SCTR: variants seen among roughly 807,000 people sequenced by gnomAD.
SCTR encodes the protein secretin receptor, also known as pancreatic secretin receptor.
A neutral mutation model predicts 60.8 loss-of-function variants in SCTR; 56 were observed. The ratio of observed to expected loss-of-function variants is 0.92; its 90% CI spans 0.74 to 1.15. SCTR has a LOEUF of 1.15. Among genes scored for constraint, SCTR ranks in the 50% most tolerant of loss-of-function variants. The pLI is 0.00. For synonymous variants in SCTR, 202 were observed against 217.0 expected, an observed-to-expected ratio of 0.93 and a Z score of 0.61; for missense variants, 562 against 550.4, an observed-to-expected ratio of 1.02 and a Z score of -0.21.
intron 1 of SCTR, among the ~76,000 whole-genome samples, chr2:119,504,207 G>C (rs1330815795): frequency 1.3e-5 from 2 of 152,186 alleles, no homozygotes; most frequent in African/African-American, 4.8e-5. Flanking sequence ...AACATCTGTA[G>C]ACAATAAAAT....
At chr2:119,470,391 C>T (rs1676955817) in intron 4 of SCTR, among the ~76,000 whole-genome samples, 1 of 152,044 alleles carries the variant, frequency 6.6e-6, no homozygotes, top group Non-Finnish European at 1.5e-5. Context: ...AAGAACAAAA[C>T]TCGTGCCAAT....
rs545265537 is a variant in SCTR at position 119,472,819 on chromosome 2, T to C, written c.405+634A>G. ...ACCACGCTCAGCTAATTTTTAAACA[T>C]TTTTTGTAGATCCAATGTTTCACTA... On this transcript the variant is annotated intron_variant, in intron 4 of 12. Coordinates refer to ENST00000019103, the MANE Select transcript of SCTR (RefSeq NM_002980.3). 1.4e-4 allele frequency among the ~76,000 whole-genome samples: 21 copies of C among 152,192 alleles called. 1 individual carries two copies. The Middle Eastern group carries it at 0.017, about 123-fold the overall frequency.
chr2:119,496,290 G>GTA (rs1678342933), intron 1 of SCTR, among the ~76,000 whole-genome samples: 1 of 152,206 alleles, frequency 6.6e-6, no homozygotes, highest in East Asian at 1.9e-4. Context: ...GTGAGACCAG[G>GTA]TATAACCTTT....
intron 1 of SCTR, among the ~76,000 whole-genome samples, chr2:119,499,791 G>C (rs1394846542): frequency 2.0e-5 from 3 of 151,958 alleles, no homozygotes; most frequent in African/African-American, 7.2e-5. Flanking sequence ...ACTTGATAAA[G>C]AGCATCCAAA....
At chr2:119,493,190 A>T (rs1339062324) in intron 2 of SCTR, among the ~76,000 whole-genome samples, 6 of 152,204 alleles carry the variant, frequency 3.9e-5, no homozygotes, top group African/African-American at 1.2e-4. Context: ...GGCTTGTTTC[A>T]CTTAGCATTA....
intron 7 of SCTR, among the ~76,000 whole-genome samples, chr2:119,458,936 C>T (rs562192858): frequency 1.4e-3 from 215 of 152,332 alleles, no homozygotes; most frequent in African/African-American, 4.0e-3. Context: ...CGCTGAGTGG[C>T]AGCCTGGCTC....
At chr2:119,478,176 T>A (rs1227925752) in intron 3 of SCTR, among the ~76,000 whole-genome samples, 1 of 152,214 alleles carries the variant, frequency 6.6e-6, no homozygotes, top group Admixed American at 6.5e-5. Context: ...CCTGTTATTA[T>A]TACTCTTTAC....
intron 1 of SCTR, among the ~76,000 whole-genome samples, chr2:119,506,076 A>T (rs1678730949): frequency 6.6e-6 from 1 of 152,242 alleles, no homozygotes; most frequent in Non-Finnish European, 1.5e-5. Context: ...GTAAAATGGT[A>T]CAGTCACTGT....
At chr2:119,518,249 A>C (rs530074910) in intron 1 of SCTR, among the ~76,000 whole-genome samples, 6 of 152,338 alleles carry the variant, frequency 3.9e-5, no homozygotes, top group African/African-American at 1.4e-4. Context: ...AAAGGAACAG[A>C]GGGTACAATT....
chr2:119,517,151 G>T (rs891063195), intron 1 of SCTR, among the ~76,000 whole-genome samples: 7 of 151,438 alleles, frequency 4.6e-5, no homozygotes, highest in Non-Finnish European at 7.4e-5. Flanking sequence ...ATATCATGTT[G>T]TACACTTTAA....
intron 1 of SCTR, among the ~76,000 whole-genome samples, chr2:119,520,037 G>A (rs1679242249): frequency 6.6e-6 from 1 of 151,908 alleles, no homozygotes. Context: ...CAGAGTGTCT[G>A]GTAGAAAATA....
At chr2:119,469,242 AG>A (rs1441198085) in intron 4 of SCTR, among the ~76,000 whole-genome samples, 1 of 152,174 alleles carries the variant, frequency 6.6e-6, no homozygotes, top group Non-Finnish European at 1.5e-5. Context: ...CGCATTGCAG[AG>A]GGTGTCAGCC....
Position 119,524,185 on chromosome 2 carries a change from C to T in SCTR, c.42G>A (p.Leu14=), listed in dbSNP as rs1419524922. 2 of 1,529,684 alleles carry T rather than the reference C, an allele frequency of 1.3e-6. No individual in the cohort carries two copies. The highest frequency in any genetic ancestry group is 1.2e-5 in the South Asian group (1 of 83,154). 94.8% of individuals were successfully genotyped at this position (1,529,684 alleles called of 1,614,324 possible). Residue 14 remains leucine, a synonymous_variant, in exon 1 of 13, where the codon CTG becomes CTA. Transcript: ENST00000019103. The stretch of plus-strand genomic sequence containing the variant: ...GCGCGGCGCAGGCGAGCAGCACCGG[C>T]AGTAGTAGCTGCTGCAGCGGCGGCG... The part of the protein sequence containing the change: ...HLSPPLQQLL[L]PVLLACAAHS...
At chr2:119,446,712 C>T in intron 11 of SCTR, 47 bp downstream of exon 11, 2 of 1,413,568 alleles carry the variant, frequency 1.4e-6, no homozygotes. Context: ...CCTAAGGACA[C>T]AGAGAACTCC....
chr2:119,469,898 G>A (rs1475843501), intron 4 of SCTR, among the ~76,000 whole-genome samples: 2 of 152,188 alleles, frequency 1.3e-5, no homozygotes, highest in Non-Finnish European at 2.9e-5. Context: ...TCTTACTGCT[G>A]TATGTTCTGA....
At chr2:119,507,663 C>CT (rs751779879) in intron 1 of SCTR, among the ~76,000 whole-genome samples, 11,022 of 114,716 alleles carry the variant, frequency 0.096, 631 homozygotes, top group Non-Finnish European at 0.13. Context: ...CTTTCTCGTT[C>CT]TTTTTTTTTT....
chr2:119,462,104 G>T, intron 6 of SCTR, 104 bp from the exon 7 acceptor site: 1 of 1,153,892 alleles, frequency 8.7e-7, no homozygotes, highest in Non-Finnish European at 1.2e-6. Flanking sequence ...CAGGAGCCAG[G>T]CCACAAGAGC....
intron 1 of SCTR, among the ~76,000 whole-genome samples, chr2:119,512,266 T>C (rs994400476): frequency 5.9e-5 from 9 of 152,070 alleles, no homozygotes; most frequent in African/African-American, 1.9e-4. Context: ...CTTTCTCTAC[T>C]ATTCTACCAT....
intron 9 of SCTR, among the ~76,000 whole-genome samples, chr2:119,450,253 G>A (rs1683111428): frequency 6.6e-6 from 1 of 152,012 alleles, no homozygotes; most frequent in Admixed American, 6.6e-5. Context: ...TGCTAGGTTG[G>A]TAGGGAGATA....
Sources: allele counts gnomAD v4.1 joint callset (sites outside exome capture counted in the v4.1 genomes callset), GRCh38; gene constraint gnomAD v4.1.1; transcripts MANE v1.5; gene names NCBI Gene and HGNC (gene_info 2026-07-23, HGNC 2026-07-21).